The following PAFAH2 variants were observed in gnomAD, a reference collection of about 807,000 sequenced individuals.
The protein encoded by PAFAH2 is platelet activating factor acetylhydrolase 2.
PAFAH2 carries 42 observed loss-of-function variants against 49.0 expected under a neutral mutation model. That is an observed-to-expected ratio of 0.86 (90% confidence interval 0.67 to 1.11). PAFAH2 has a LOEUF of 1.11. PAFAH2 is among the 50% of genes least tolerant of loss of function. The pLI, the probability that PAFAH2 is intolerant of heterozygous loss-of-function variation, is 0.00. For missense variants in PAFAH2, 503 were observed against 501.8 expected, an observed-to-expected ratio of 1.00 and a Z score of -0.02; for synonymous variants, 184 against 181.3, an observed-to-expected ratio of 1.01 and a Z score of -0.12.
At chr1:25,977,014 C>CTTTTT (rs201548055) in intron 7 of PAFAH2, among the ~76,000 whole-genome samples, 3 of 88,366 alleles carry the variant, frequency 3.4e-5, no homozygotes, top group African/African-American at 8.4e-5. Flanking sequence ...TTCATGTTTA[C>CTTTTT]TTTTTTTTTT....
intron 8 of PAFAH2, 35 bp from the exon 9 acceptor site, chr1:25,974,685 G>A (rs760490580): frequency 6.9e-6 from 11 of 1,590,244 alleles, no homozygotes; most frequent in Admixed American, 5.2e-5. Context: ...ATTGCCATGC[G>A]GATCCCAGGC....
At chr1:25,966,162 G>A (rs1055770695) in intron 10 of PAFAH2, among the ~76,000 whole-genome samples, 12 of 152,174 alleles carry the variant, frequency 7.9e-5, no homozygotes, top group Admixed American at 3.9e-4. Flanking sequence ...CTTATGCACC[G>A]TTGGTAGGAA....
intron 8 of PAFAH2, 103 bp from the exon 9 acceptor site, chr1:25,974,753 G>T: frequency 9.1e-7 from 1 of 1,096,654 alleles, no homozygotes; most frequent in Non-Finnish European, 1.3e-6. Context: ...TGGGGTAAAG[G>T]CTCAGAAAGC....
rs201548055 is a variant in PAFAH2, at chr1:25,977,014, CTTTTTTTTTTTTTTTT to C, written c.667-257_667-242del. ...GTGAGAATCACACTTTTCATGTTTA[CTTTTTTTTTTTTTTTT>C]TTTTTTTTTTGAGACGGAGTCTCGC... is the stretch of plus-strand genomic sequence containing the variant. On this transcript the variant is annotated intron_variant, in intron 7 of 10. Coordinates refer to ENST00000374282, the MANE Select transcript of PAFAH2 (RefSeq NM_000437.4). 1.4e-4 allele frequency among the ~76,000 whole-genome samples: 12 copies of C among 88,366 alleles called. No individual in the cohort carries two copies. The Admixed American group carries it at 1.6e-3, about 12-fold the overall frequency. The allele number at this position is 88,366 out of a possible 152,430, so 58.0% of individuals were successfully genotyped here. A position where few individuals can be genotyped will look rare whatever the true frequency, so the allele number is the denominator to read the frequency against.
At chr1:25,992,351 G>C (rs2049888118) in intron 1 of PAFAH2, among the ~76,000 whole-genome samples, 1 of 152,172 alleles carries the variant, frequency 6.6e-6, no homozygotes, top group African/African-American at 2.4e-5. Context: ...AAAAGCAGAG[G>C]TAGGGAAAAG....
chr1:25,960,683 C>T lies in PAFAH2; in HGVS notation c.*1306G>A, dbSNP rs1452885469. ...CCAGAAAACAGACAATAAAAGCACC[C>T]TGATTCTGAGCAAGTTGGAGGTTTA... On this transcript the variant is annotated 3_prime_UTR_variant, in exon 11 of 11. Transcript: ENST00000374282. 2 of 152,546 alleles carry T rather than the reference C, an allele frequency of 1.3e-5. No individual in the cohort carries two copies. The highest frequency in any genetic ancestry group is 2.4e-5 in the African/African-American group (1 of 41,418). The allele number at this position is 152,546 out of a possible 1,614,324, so 9.4% of individuals were successfully genotyped here.
At chr1:25,993,389 G>A (rs891749978) in intron 1 of PAFAH2, among the ~76,000 whole-genome samples, 8 of 151,982 alleles carry the variant, frequency 5.3e-5, no homozygotes, top group Non-Finnish European at 1.2e-4. Flanking sequence ...CCCCTTCTCC[G>A]CGTACATACA....
rs1476544182 is a variant in PAFAH2 at position 25,981,841 on chromosome 1, T to C, written c.666+523A>G. Among the ~76,000 whole-genome samples, 3 of 151,962 alleles carry C rather than the reference T, an allele frequency of 2.0e-5. No individual in the cohort carries two copies. The East Asian group carries it at 5.8e-4, about 29-fold the overall frequency. ...TTCGAGACCAGCCTGGCCAACATGGTGAAACCCCGTCTCTAGTAAAAATAC... is the reference window on the plus strand; with the variant it reads ...TTCGAGACCAGCCTGGCCAACATGGCGAAACCCCGTCTCTAGTAAAAATAC... On this transcript the variant is annotated intron_variant, in intron 7 of 10. Coordinates refer to ENST00000374282, the MANE Select transcript of PAFAH2 (RefSeq NM_000437.4).
chr1:25,973,273 T>C (rs1008341913), intron 9 of PAFAH2, among the ~76,000 whole-genome samples: 5 of 152,168 alleles, frequency 3.3e-5, no homozygotes, highest in Admixed American at 6.6e-5. Flanking sequence ...AGAAAATAAA[T>C]TTAATTTGCA....
intron 3 of PAFAH2, among the ~76,000 whole-genome samples, chr1:25,988,913 G>A (rs2049830793): frequency 6.6e-6 from 1 of 151,904 alleles, no homozygotes; most frequent in African/African-American, 2.4e-5. Context: ...GGCACTGGGT[G>A]GAATTCCTAG....
chr1:25,974,823 T>C (rs986212671), intron 8 of PAFAH2, among the ~76,000 whole-genome samples, 173 bp from the exon 9 acceptor site: 1 of 152,238 alleles, frequency 6.6e-6, no homozygotes, highest in African/African-American at 2.4e-5. Context: ...GGATCACTTT[T>C]ACTTTTCACC....
chr1:25,992,138 C>T (rs1035251315), intron 1 of PAFAH2, among the ~76,000 whole-genome samples: 3 of 152,046 alleles, frequency 2.0e-5, no homozygotes, highest in Non-Finnish European at 4.4e-5. Flanking sequence ...GCTATGTTGT[C>T]CAGGCTGGTC....
chr1:25,972,261 A>G (rs1463228998), intron 10 of PAFAH2, among the ~76,000 whole-genome samples: 3 of 140,640 alleles, frequency 2.1e-5, no homozygotes, highest in Non-Finnish European at 3.1e-5. Context: ...ACACCCAGCT[A>G]ATTTTTTTTT....
chr1:25,988,225 T>G lies in PAFAH2; in HGVS notation c.341+6A>C, dbSNP rs1233186464. On this transcript the variant is annotated splice_donor_region_variant and intron_variant, in intron 4 of 10. Coordinates refer to ENST00000374282, the MANE Select transcript of PAFAH2 (RefSeq NM_000437.4). ...ATGGCAAGGTCTGGGGGAAAGAAGCTCTTACCTGAAGGCTCCTAGGCCATG... is the reference window on the plus strand; with the variant it reads ...ATGGCAAGGTCTGGGGGAAAGAAGCGCTTACCTGAAGGCTCCTAGGCCATG... The G allele has an allele frequency of 1.3e-6, 2 of 1,583,668 alleles. No individual in the cohort carries two copies. Among genetic ancestry groups the G allele is most frequent in the Non-Finnish European group, 1.7e-6 (2 of 1,162,214 alleles).
chr1:25,986,822 C>T (rs907020599), intron 4 of PAFAH2, among the ~76,000 whole-genome samples: 7 of 152,026 alleles, frequency 4.6e-5, no homozygotes, highest in East Asian at 1.9e-4. Context: ...TGAGCCACCG[C>T]GCTCGGCCAA....
intron 1 of PAFAH2, among the ~76,000 whole-genome samples, chr1:25,991,759 G>A (rs141841781): frequency 1.5e-3 from 221 of 152,096 alleles, no homozygotes; most frequent in African/African-American, 4.9e-3. Flanking sequence ...CGGGTGCAGT[G>A]GCAGGCACCT....
At chr1:25,987,781 G>C (rs943689160) in intron 4 of PAFAH2, among the ~76,000 whole-genome samples, 2 of 152,174 alleles carry the variant, frequency 1.3e-5, no homozygotes, top group East Asian at 3.9e-4. Context: ...TGGTGGCTGA[G>C]GCAGGAGCAC....
At chr1:25,983,617 G>A (rs1205825652) in intron 6 of PAFAH2, among the ~76,000 whole-genome samples, 1 of 151,476 alleles carries the variant, frequency 6.6e-6, no homozygotes, top group African/African-American at 2.4e-5. Flanking sequence ...GTTTGAAGAT[G>A]AGACCCACCA....
At position 25,989,605 on chromosome 1, in the gene PAFAH2, T is replaced by A. The variant is rs200040787; in HGVS notation, c.91-4A>T. The A allele has an allele frequency of 6.4e-7, 1 of 1,558,132 alleles. No individual in the cohort carries two copies. Among genetic ancestry groups the A allele is most frequent in the Admixed American group, 2.0e-5 (1 of 49,816 alleles). On this transcript the variant is annotated splice_region_variant and splice_polypyrimidine_tract_variant and intron_variant, in intron 2 of 10. Transcript: ENST00000374282. ...AGAAGAGTCGAAAGAAGCTCCCCTG[T>A]AGGAAAGAAGAGAGCAGCTGCTCAG... is the stretch of plus-strand genomic sequence containing the variant.
Sources: allele counts gnomAD v4.1 joint callset (sites outside exome capture counted in the v4.1 genomes callset), GRCh38; gene constraint gnomAD v4.1.1; transcripts MANE v1.5; gene names NCBI Gene and HGNC (gene_info 2026-07-23, HGNC 2026-07-21).